Variants in ARFIP1 observed in about 807,000 individuals in gnomAD.
ARFIP1 encodes the protein arfaptin-1.
ARFIP1 carries 24 observed loss-of-function variants against 42.5 expected under a neutral mutation model. The observed-to-expected ratio is 0.57, with a 90% CI of 0.41 to 0.80. The LOEUF is 0.80. Among genes scored for constraint, ARFIP1 ranks in the 30% least tolerant of loss-of-function variants. The pLI is 0.00. For synonymous variants in ARFIP1, 141 were observed against 153.7 expected (o/e 0.92, Z 0.61); for missense variants, 354 against 434.0 (o/e 0.82, Z 1.64).
intron 1 of ARFIP1, among the ~76,000 whole-genome samples, chr4:152,827,871 C>T (rs1362986462): frequency 1.3e-5 from 2 of 152,012 alleles, no homozygotes; most frequent in East Asian, 3.9e-4. Context: ...AGACGGGTTT[C>T]GCTATGTTCC....
chr4:152,873,158 G>A (rs1188891290), intron 5 of ARFIP1, among the ~76,000 whole-genome samples: 2 of 152,122 alleles, frequency 1.3e-5, no homozygotes, highest in East Asian at 3.8e-4. Flanking sequence ...AATCCACTTA[G>A]TACCTTTTGA....
intron 1 of ARFIP1, among the ~76,000 whole-genome samples, chr4:152,787,267 A>G (rs1169422716): frequency 6.6e-6 from 1 of 152,258 alleles, no homozygotes; most frequent in African/African-American, 2.4e-5. Context: ...AAATGGTAGT[A>G]CAGTTTGAAC....
intron 8 of ARFIP1, among the ~76,000 whole-genome samples, chr4:152,904,198 A>ATATATTTTTT (rs36085096): frequency 5.5e-5 from 7 of 126,688 alleles, no homozygotes; most frequent in African/African-American, 2.0e-4. Flanking sequence ...ATATATATAT[A>ATATATTTTTT]TTTTTTTTTT....
At chr4:152,870,672 A>G (rs1199501192) in intron 3 of ARFIP1, 81 bp from the exon 4 acceptor site, 4 of 932,744 alleles carry the variant, frequency 4.3e-6, no homozygotes, top group Non-Finnish European at 6.8e-6. Flanking sequence ...TTTAAAGGAA[A>G]TATCAGTAAC....
At chr4:152,904,639 C>G (rs543357725) in intron 8 of ARFIP1, among the ~76,000 whole-genome samples, 2 of 152,208 alleles carry the variant, frequency 1.3e-5, no homozygotes, top group Admixed American at 6.5e-5. Context: ...ATAAGTAGAA[C>G]ATGCAGTGTT....
At chr4:152,801,969 A>C (rs1191239955) in intron 1 of ARFIP1, among the ~76,000 whole-genome samples, 2 of 152,204 alleles carry the variant, frequency 1.3e-5, no homozygotes, top group African/African-American at 4.8e-5. Flanking sequence ...CATGTCTCTT[A>C]ATATGTTGGT....
intron 1 of ARFIP1, among the ~76,000 whole-genome samples, chr4:152,815,423 T>C (rs893326516): frequency 1.2e-4 from 19 of 152,226 alleles, no homozygotes; most frequent in African/African-American, 4.6e-4. Flanking sequence ...TACACACTGA[T>C]GTCTTCTAAA....
intron 7 of ARFIP1, among the ~76,000 whole-genome samples, chr4:152,883,822 A>T (rs762479256): frequency 6.6e-5 from 10 of 151,718 alleles, no homozygotes; most frequent in Non-Finnish European, 1.2e-4. Context: ...GTATCATTCT[A>T]GTCCCTTTTG....
chr4:152,789,713 G>T (rs1731038318), intron 1 of ARFIP1, among the ~76,000 whole-genome samples: 1 of 152,178 alleles, frequency 6.6e-6, no homozygotes, highest in Admixed American at 6.5e-5. Flanking sequence ...GGTAAATCCA[G>T]TAGTACTTTA....
chr4:152,805,973 T>TTGGGGCC (rs1728963778), intron 1 of ARFIP1, among the ~76,000 whole-genome samples: 2 of 152,308 alleles, frequency 1.3e-5, no homozygotes, highest in African/African-American at 4.8e-5. Context: ...CCAACTTTGG[T>TTGGGGCC]TGGGGCCTGG....
intron 1 of ARFIP1, among the ~76,000 whole-genome samples, chr4:152,819,217 G>A (rs980750313): frequency 3.3e-5 from 5 of 152,086 alleles, no homozygotes; most frequent in Admixed American, 1.3e-4. Flanking sequence ...GCACAGCCCC[G>A]TTACAGCATC....
chr4:152,899,112 T>C (rs1336450016), intron 8 of ARFIP1, among the ~76,000 whole-genome samples: 2 of 152,174 alleles, frequency 1.3e-5, no homozygotes, highest in African/African-American at 2.4e-5. Context: ...TATCTAAATA[T>C]GGAATTCAGT....
chr4:152,900,851 C>G (rs969961947), intron 8 of ARFIP1, among the ~76,000 whole-genome samples: 15 of 152,142 alleles, frequency 9.9e-5, no homozygotes, highest in African/African-American at 3.4e-4. Context: ...TCTTACACAC[C>G]TTTTTCTTAC....
At chr4:152,796,440 C>T in intron 1 of ARFIP1, 1 of 741,278 alleles carries the variant, frequency 1.3e-6, no homozygotes, top group South Asian at 1.5e-5. Context: ...GTTTGAATAA[C>T]TTAATGCTTC....
chr4:152,824,179 GGT>G (rs1730627539), intron 1 of ARFIP1, among the ~76,000 whole-genome samples: 1 of 151,722 alleles, frequency 6.6e-6, no homozygotes, highest in Admixed American at 6.6e-5. Context: ...TGGAAGTGTT[GGT>G]GCAGGCCTGT....
At chr4:152,847,635 C>T (rs894581326) in intron 2 of ARFIP1, among the ~76,000 whole-genome samples, 1 of 151,898 alleles carries the variant, frequency 6.6e-6, no homozygotes, top group Non-Finnish European at 1.5e-5. Context: ...AAGAGTATTA[C>T]AATTTAATCT....
At chr4:152,902,885 C>T (rs2149910970) in intron 8 of ARFIP1, among the ~76,000 whole-genome samples, 1 of 152,148 alleles carries the variant, frequency 6.6e-6, no homozygotes, top group East Asian at 1.9e-4. Context: ...GTCAAATTGC[C>T]TGGTAAAGTG....
chr4:152,886,123 A>G (rs753885930), intron 7 of ARFIP1, among the ~76,000 whole-genome samples: 1 of 150,474 alleles, frequency 6.6e-6, no homozygotes, highest in African/African-American at 2.5e-5. Flanking sequence ...CTTAGCTCCA[A>G]TGCCTTTGTC....
intron 1 of ARFIP1, among the ~76,000 whole-genome samples, chr4:152,808,987 G>A (rs550006202): frequency 1.4e-4 from 22 of 152,216 alleles, no homozygotes; most frequent in African/African-American, 5.1e-4. Flanking sequence ...GGGAGGCGGA[G>A]ATTTTAGTGA....
Sources: allele counts gnomAD v4.1 joint callset (sites outside exome capture counted in the v4.1 genomes callset), GRCh38; gene constraint gnomAD v4.1.1; transcripts MANE v1.5; gene names NCBI Gene and HGNC (gene_info 2026-07-23, HGNC 2026-07-21).